The following AP3S1 variants were observed in gnomAD, a reference collection of about 807,000 sequenced individuals.
AP3S1 encodes AP-3 complex subunit sigma-1.
AP3S1 carries 12 observed loss-of-function variants against 21.3 expected under a neutral mutation model. That is an observed-to-expected ratio of 0.56 (90% CI 0.36 to 0.91). The LOEUF (loss-of-function observed/expected upper bound fraction) is 0.91, where lower values mean the gene tolerates loss of function less well. Ranked by LOEUF, AP3S1 falls within the 40% of genes least tolerant of loss-of-function variation. The pLI is 0.01. For missense variants in AP3S1, 116 were observed against 225.0 expected, an observed-to-expected ratio of 0.52 and a Z score of 3.10; for synonymous variants, 48 against 78.4, an observed-to-expected ratio of 0.61 and a Z score of 2.05.
At chr5:115,897,735 T>G (rs1033420347) in intron 4 of AP3S1, among the ~76,000 whole-genome samples, 1 of 151,842 alleles carries the variant, frequency 6.6e-6, no homozygotes, top group African/African-American at 2.4e-5. Context: ...AATTTTTTTG[T>G]ATTTTTTTAG....
intron 1 of AP3S1, among the ~76,000 whole-genome samples, chr5:115,857,618 C>T (rs112521274): frequency 4.6e-5 from 7 of 152,270 alleles, no homozygotes; most frequent in African/African-American, 1.7e-4. Flanking sequence ...CATTTCATTT[C>T]TCCCTTTCCA....
At position 115,909,102 on chromosome 5, in the gene AP3S1, A is replaced by G. The variant is rs918823888; in HGVS notation, c.454-4260A>G. 1.9e-4 allele frequency: 81 copies of G among 431,796 alleles called. 1 individual carries two copies. Among genetic ancestry groups the G allele is most frequent in the Middle Eastern group, 2.4e-3 (2 of 820 alleles). 26.7% of individuals were successfully genotyped at this position (431,796 alleles called of 1,614,324 possible). A position where few individuals can be genotyped will look rare whatever the true frequency, so the allele number is the denominator to read the frequency against. On this transcript the variant is annotated intron_variant, in intron 5 of 5. Coordinates refer to ENST00000316788, the MANE Select transcript of AP3S1 (RefSeq NM_001284.4). Reference sequence around the variant, plus strand: ...GTATTCAAACTTGAAAAAAAAAAAGATATTTTAAGATGGTAGGATGGTATT... The same window carrying G: ...GTATTCAAACTTGAAAAAAAAAAAGGTATTTTAAGATGGTAGGATGGTATT...
intron 1 of AP3S1, among the ~76,000 whole-genome samples, chr5:115,846,554 C>T (rs796288543): frequency 4.9e-4 from 72 of 145,602 alleles, no homozygotes; most frequent in African/African-American, 1.8e-3. Flanking sequence ...TCTTCTTTCT[C>T]GTTTTTTTTT....
intron 1 of AP3S1, among the ~76,000 whole-genome samples, chr5:115,866,373 A>G (rs987128283): frequency 4.6e-5 from 7 of 152,152 alleles, no homozygotes; most frequent in Non-Finnish European, 8.8e-5. Context: ...GTTAATATCT[A>G]GTTTCCCTTT....
chr5:115,855,795 G>A (rs1195562290), intron 1 of AP3S1, among the ~76,000 whole-genome samples: 2 of 151,998 alleles, frequency 1.3e-5, no homozygotes, highest in Admixed American at 6.6e-5. Context: ...GTAATCCTCT[G>A]TATTTTAACA....
chr5:115,850,474 T>C (rs1292782680), intron 1 of AP3S1, among the ~76,000 whole-genome samples: 1 of 152,220 alleles, frequency 6.6e-6, no homozygotes, highest in Admixed American at 6.5e-5. Context: ...TAGAACTTAG[T>C]CTTTCCCAAC....
At chr5:115,865,380 A>C (rs1763531972) in intron 1 of AP3S1, among the ~76,000 whole-genome samples, 1 of 152,198 alleles carries the variant, frequency 6.6e-6, no homozygotes, top group South Asian at 2.1e-4. Context: ...TTCCAAATGC[A>C]TGGGGGATCA....
intron 2 of AP3S1, among the ~76,000 whole-genome samples, 187 bp from the exon 3 acceptor site, chr5:115,869,830 T>G (rs1052286512): frequency 6.6e-6 from 1 of 152,210 alleles, no homozygotes; most frequent in Non-Finnish European, 1.5e-5. Flanking sequence ...TTCTTTTACT[T>G]GATGTTTCTG....
intron 1 of AP3S1, among the ~76,000 whole-genome samples, chr5:115,863,272 C>T (rs1763337223): frequency 6.6e-6 from 1 of 152,186 alleles, no homozygotes; most frequent in Non-Finnish European, 1.5e-5. Context: ...TGGTGGGCGC[C>T]TGTAATCCCA....
In AP3S1 at chr5:115,860,138, A is replaced by G. The variant is rs569197424; in HGVS notation, c.70-6532A>G. 8.1e-4 allele frequency among the ~76,000 whole-genome samples: 124 copies of G among 152,216 alleles called. 1 individual carries two copies. Among genetic ancestry groups the G allele is most frequent in the African/African-American group, 2.7e-3 (111 of 41,518 alleles). ...CCCTCATTCCTTGCTCATGGCTTCC[A>G]TTCTCCATGTTCATAGCCAGCGGCA... is the stretch of plus-strand genomic sequence containing the variant. On this transcript the variant is annotated intron_variant, in intron 1 of 5. Coordinates refer to ENST00000316788, the MANE Select transcript of AP3S1 (RefSeq NM_001284.4).
intron 5 of AP3S1, among the ~76,000 whole-genome samples, chr5:115,910,708 C>A (rs562732229): frequency 9.9e-5 from 15 of 151,724 alleles, no homozygotes; most frequent in African/African-American, 3.4e-4. Flanking sequence ...TTTTTTTTAG[C>A]CCTAAATTTT....
At chr5:115,855,111 A>G (rs1042500409) in intron 1 of AP3S1, among the ~76,000 whole-genome samples, 1 of 151,808 alleles carries the variant, frequency 6.6e-6, no homozygotes, top group Non-Finnish European at 1.5e-5. Context: ...ATCTCGGCTC[A>G]CTGCAACCTC....
At chr5:115,882,347 T>G (rs1408974119) in intron 3 of AP3S1, among the ~76,000 whole-genome samples, 3 of 152,108 alleles carry the variant, frequency 2.0e-5, no homozygotes, top group Non-Finnish European at 4.4e-5. Context: ...TTTATCTACC[T>G]TTGGCCTTTG....
intron 1 of AP3S1, among the ~76,000 whole-genome samples, chr5:115,846,831 G>A (rs553915103): frequency 9.9e-5 from 15 of 152,180 alleles, no homozygotes; most frequent in African/African-American, 3.6e-4. Context: ...ATACGATTTG[G>A]TTTCCTTCCA....
At chr5:115,857,359 C>A (rs982223575) in intron 1 of AP3S1, among the ~76,000 whole-genome samples, 3 of 152,156 alleles carry the variant, frequency 2.0e-5, no homozygotes, top group Non-Finnish European at 4.4e-5. Context: ...TCAGTTCTCA[C>A]AACACCACCA....
chr5:115,887,259 G>C (rs1431874762), intron 3 of AP3S1, among the ~76,000 whole-genome samples: 1 of 151,974 alleles, frequency 6.6e-6, no homozygotes, highest in African/African-American at 2.4e-5. Flanking sequence ...TCTTGCTGGT[G>C]ATAAAAAAAT....
chr5:115,885,646 A>G (rs12332651), intron 3 of AP3S1, among the ~76,000 whole-genome samples: 26,422 of 152,146 alleles, frequency 0.17, 2,540 homozygotes, highest in Non-Finnish European at 0.2. Flanking sequence ...TCAAATGTCA[A>G]TCTCCTCTGG....
chr5:115,847,802 A>T (rs761695671), intron 1 of AP3S1, among the ~76,000 whole-genome samples: 2 of 152,124 alleles, frequency 1.3e-5, no homozygotes, highest in Non-Finnish European at 2.9e-5. Flanking sequence ...AGTTTTCTGA[A>T]ATTTTAGATT....
chr5:115,870,236 C>G, intron 3 of AP3S1, 108 bp downstream of exon 3: 3 of 663,074 alleles, frequency 4.5e-6, no homozygotes, highest in Non-Finnish European at 7.5e-6. Flanking sequence ...AGAAATAAAG[C>G]ATTTCATAAT....
Sources: allele counts gnomAD v4.1 joint callset (sites outside exome capture counted in the v4.1 genomes callset), GRCh38; gene constraint gnomAD v4.1.1; transcripts MANE v1.5; gene names NCBI Gene and HGNC (gene_info 2026-07-23, HGNC 2026-07-21).